COL14A1: variants seen among roughly 807,000 people sequenced by gnomAD.
The protein encoded by COL14A1 is collagen alpha-1(XIV) chain.
In COL14A1, 136 loss-of-function variants were observed where a neutral mutation model predicts 230.3. The observed-to-expected ratio is 0.59, with a 90% CI of 0.51 to 0.68. COL14A1 has a LOEUF of 0.68. Ranked by LOEUF, COL14A1 falls within the 30% of genes least tolerant of loss-of-function variation. The pLI is 0.00. For missense variants in COL14A1, 1,976 were observed against 2,215.8 expected (o/e 0.89, Z 2.17); for synonymous variants, 792 against 784.1 (o/e 1.01, Z -0.17).
chr8:120,305,515 C>A (rs1820832774), intron 36 of COL14A1, among the ~76,000 whole-genome samples: 1 of 152,072 alleles, frequency 6.6e-6, no homozygotes, highest in South Asian at 2.1e-4. Context: ...TGCGACATTT[C>A]ATTGTCTTTA....
At chr8:120,349,754 A>C (rs7841660) in intron 45 of COL14A1, among the ~76,000 whole-genome samples, 1 of 100,324 alleles carries the variant, frequency 1.0e-5, no homozygotes, top group East Asian at 2.7e-4. Context: ...CCAAATCTAC[A>C]TCTGATTGGT....
chr8:120,138,628 A>G lies in COL14A1; in HGVS notation c.-37-9178A>G, dbSNP rs1814789918. On this transcript the variant is annotated intron_variant, in intron 1 of 47. Transcript: ENST00000297848. Reference sequence around the variant, plus strand: ...TCCTAATTTAGAGTTTTTTCCTCCTATGTCATGATGCTAACAGATAAGTGT... The same window carrying G: ...TCCTAATTTAGAGTTTTTTCCTCCTGTGTCATGATGCTAACAGATAAGTGT... 2.0e-5 allele frequency among the ~76,000 whole-genome samples: 3 copies of G among 152,178 alleles called. No homozygotes were observed. The South Asian group carries it at 6.2e-4, about 31-fold the overall frequency.
chr8:120,203,719 C>G lies in COL14A1; in HGVS notation c.888C>G (p.Asn296Lys). The G allele has an allele frequency of 6.2e-7, 1 of 1,613,642 alleles. No individual in the cohort carries two copies. The highest frequency in any genetic ancestry group is 1.3e-5 in the African/African-American group (1 of 74,970). ...TGTCCTCTGTGTAAGGGGTGAAAAA[C>G]GCGGATGTGAATGAGCTGCAGGAGA... ...GVELFAIGVK[N>K]ADVNELQEIA... The change falls in exon 9 of 48, where the codon AAC (asparagine) becomes AAG (lysine). Residue 296 changes from asparagine (N) to lysine (K), a missense_variant. Around this residue, in one of 3 missense-constraint regions of COL14A1, gnomAD observed 1,791 missense variants for 2,019.5 expected, o/e 0.89. Coordinates refer to ENST00000297848, the MANE Select transcript of COL14A1 (RefSeq NM_021110.4).
chr8:120,337,401 T>TAAAAAAAAAAAAAAAAAAAAAA (rs60418574), intron 42 of COL14A1, among the ~76,000 whole-genome samples: 4 of 129,458 alleles, frequency 3.1e-5, no homozygotes, highest in Admixed American at 8.1e-5. Flanking sequence ...GTCTCAAAAT[T>TAAAAAAAAAAAAAAAAAAAAAA]AAAAAAAAAA....
In COL14A1 at chr8:120,216,474, G is replaced by C; in HGVS notation, c.1721G>C (p.Gly574Ala). 6.2e-7 allele frequency: 1 copy of C among 1,608,408 alleles called. No homozygotes were observed. The highest frequency in any genetic ancestry group is 1.7e-5 in the Admixed American group (1 of 58,740). ...GYRIVYNNAD[G>A]TEINEVEVDP... ...CGAATTGTATATAACAATGCAGATG[G>C]GACTGAAATCAATGAGGTAAGTTCC... is the stretch of plus-strand genomic sequence containing the variant. Residue 574 changes from glycine (G) to alanine (A), a missense_variant, in exon 14 of 48, where the codon GGG becomes GCG. Around this residue, in one of 3 missense-constraint regions of COL14A1, gnomAD observed 1,791 missense variants for 2,019.5 expected, o/e 0.89. Transcript: ENST00000297848.
At chr8:120,361,420 C>T (rs35723855) in intron 45 of COL14A1, among the ~76,000 whole-genome samples, 1 of 152,188 alleles carries the variant, frequency 6.6e-6, no homozygotes, top group Non-Finnish European at 1.5e-5. Context: ...GGTACTAGTC[C>T]TACAGACCAG....
intron 34 of COL14A1, among the ~76,000 whole-genome samples, chr8:120,295,573 A>T (rs1475695799): frequency 6.6e-6 from 1 of 151,846 alleles, no homozygotes; most frequent in Non-Finnish European, 1.5e-5. Flanking sequence ...AGATATTATT[A>T]TTGTGGAAAC....
intron 5 of COL14A1, among the ~76,000 whole-genome samples, chr8:120,190,677 A>T (rs1256783459): frequency 6.6e-6 from 1 of 151,446 alleles, no homozygotes. Flanking sequence ...CTGGTCCTGG[A>T]CTCTTTTTGG....
chr8:120,274,899 A>G (rs764776597), intron 26 of COL14A1, among the ~76,000 whole-genome samples: 3 of 151,710 alleles, frequency 2.0e-5, no homozygotes, highest in Non-Finnish European at 4.4e-5. Context: ...AATAATTCTT[A>G]TGAAAATGAT....
chr8:120,158,845 G>T (rs571143959), intron 3 of COL14A1, among the ~76,000 whole-genome samples: 231 of 152,024 alleles, frequency 1.5e-3, no homozygotes, highest in Non-Finnish European at 2.8e-3. Flanking sequence ...AACATCATTT[G>T]GTTGAATTTT....
At chr8:120,358,223 C>T (rs753139871) in intron 45 of COL14A1, among the ~76,000 whole-genome samples, 14 of 152,096 alleles carry the variant, frequency 9.2e-5, no homozygotes, top group South Asian at 4.2e-4. Flanking sequence ...TTAATCCCAC[C>T]GCATTAGTGT....
chr8:120,238,871 A>G (rs1165564208), intron 19 of COL14A1, among the ~76,000 whole-genome samples: 1 of 151,628 alleles, frequency 6.6e-6, no homozygotes, highest in African/African-American at 2.4e-5. Context: ...GAGTTCCCCA[A>G]CTCTTTGTGC....
rs1563683012 is a variant in COL14A1 at position 120,226,747 on chromosome 8, A to G, written c.1985A>G (p.Tyr662Cys). The G allele has an allele frequency of 1.2e-6, 2 of 1,613,718 alleles. No individual in the cohort carries two copies. The highest frequency in any genetic ancestry group is 8.5e-7 in the Non-Finnish European group (1 of 1,179,774). Residue 662 changes from tyrosine (Y) to cysteine (C), a missense_variant, in exon 16 of 48, where the codon TAT (tyrosine) becomes TGT (cysteine). Physicochemically the swap from Tyr to Cys is radical, Grantham distance 194. Around this residue, in one of 3 missense-constraint regions of COL14A1, gnomAD observed 1,791 missense variants for 2,019.5 expected, o/e 0.89. Coordinates refer to ENST00000297848, the MANE Select transcript of COL14A1 (RefSeq NM_021110.4). ...GLHKLMWIPV[Y>C]GGKTEEVVLK... ...CACAAATTGATGTGGATTCCAGTCT[A>G]TGGGGGGAAGACTGAGGAGGTGAGT...
chr8:120,173,509 A>G (rs947521411), intron 5 of COL14A1, among the ~76,000 whole-genome samples: 6 of 151,208 alleles, frequency 4.0e-5, no homozygotes, highest in Non-Finnish European at 7.4e-5. Flanking sequence ...GTGTCATACC[A>G]TTATCTCTCT....
chr8:120,290,548 T>C (rs1191024287), intron 34 of COL14A1, among the ~76,000 whole-genome samples: 1 of 152,228 alleles, frequency 6.6e-6, no homozygotes, highest in Non-Finnish European at 1.5e-5. Flanking sequence ...TCTTATGTAA[T>C]AGAACAATCA....
chr8:120,318,373 A>G (rs894962546), intron 40 of COL14A1, among the ~76,000 whole-genome samples: 1 of 152,184 alleles, frequency 6.6e-6, no homozygotes, highest in African/African-American at 2.4e-5. Context: ...GGGGCCAGAA[A>G]GACAAAAGGG....
intron 14 of COL14A1, among the ~76,000 whole-genome samples, chr8:120,217,067 A>T (rs981822303): frequency 2.0e-5 from 3 of 152,212 alleles, no homozygotes; most frequent in Non-Finnish European, 2.9e-5. Flanking sequence ...GGAGGAGCAT[A>T]TAGAGAAGAA....
chr8:120,217,990 C>CAATATTACAAATATATAATAT (rs1817807835), intron 14 of COL14A1, among the ~76,000 whole-genome samples: 2 of 122,972 alleles, frequency 1.6e-5, no homozygotes, highest in Admixed American at 1.9e-4. Flanking sequence ...TATATATTTA[C>CAATATTACAAATATATAATAT]AAATATATAT....
In COL14A1 at chr8:120,149,798, A is replaced by G. The variant is rs150534696; in HGVS notation, c.88+1868A>G. 8.4e-3 allele frequency among the ~76,000 whole-genome samples: 1,280 copies of G among 151,808 alleles called. 17 individuals carry two copies. Among genetic ancestry groups the G allele is most frequent in the African/African-American group, 0.03 (1,234 of 41,390 alleles). On this transcript the variant is annotated intron_variant, in intron 2 of 47. Transcript: ENST00000297848. ...CAACCTCTGCCTCCTGCGTTCAAGC[A>G]ATTCTCCTGCCCTAGCCTCCCAAGT...
Sources: gnomAD v4.1 joint callset for allele counts (sites outside exome capture counted in the v4.1 genomes callset) on GRCh38, gnomAD v4.1.1 for gene constraint, gnomAD v4.1.1 regional missense constraint, MANE v1.5 for transcripts, NCBI Gene and HGNC (gene_info 2026-07-23, HGNC 2026-07-21) for gene names.